Variants in STK32B observed in about 807,000 individuals in gnomAD.
STK32B encodes serine/threonine kinase 32B, also known as serine/threonine-protein kinase 32B.
STK32B carries 43 observed loss-of-function variants against 52.6 expected under a neutral mutation model. The observed-to-expected ratio is 0.82, with a 90% CI of 0.64 to 1.05. STK32B has a LOEUF of 1.05. Ranked by LOEUF, STK32B falls within the 50% of genes least tolerant of loss-of-function variation. STK32B has a pLI of 0.00. For missense variants in STK32B, 621 were observed against 534.6 expected, an observed-to-expected ratio of 1.16 and a Z score of -1.59; for synonymous variants, 238 against 204.3, an observed-to-expected ratio of 1.17 and a Z score of -1.41.
At chr4:5,045,216 T>C in the STK32B span, among the ~76,000 whole-genome samples, 1 of 152,232 alleles carries the variant, frequency 6.6e-6, no homozygotes, top group South Asian at 2.1e-4. Flanking sequence ...GCGGGCTCTG[T>C]ACCTCTCATC....
chr4:5,151,519 T>C (rs1717362968), intron 2 of STK32B, among the ~76,000 whole-genome samples: 1 of 152,232 alleles, frequency 6.6e-6, no homozygotes, highest in Admixed American at 6.5e-5. Flanking sequence ...ACAGAAATCT[T>C]TTCACTGTCA....
In STK32B at chr4:5,051,543, G is replaced by A. The variant is rs978215237; in HGVS notation, c.-321G>A. 5 of 360,438 alleles carry A rather than the reference G, an allele frequency of 1.4e-5. No individual in the cohort carries two copies. Among genetic ancestry groups the A allele is most frequent in the Non-Finnish European group, 2.5e-5 (5 of 202,340 alleles). 22.3% of individuals were successfully genotyped at this position (360,438 alleles called of 1,614,324 possible). On this transcript the variant is annotated 5_prime_UTR_variant, in exon 1 of 12. Transcript: ENST00000282908. ...TCCCGCCCGCTGTAGCCGGCGAGGA[G>A]CGCCGCACGTTGGCCCCGGCGCGAG...
At chr4:5,187,226 C>T (rs1220135382) in intron 3 of STK32B, among the ~76,000 whole-genome samples, 1 of 152,212 alleles carries the variant, frequency 6.6e-6, no homozygotes, top group Non-Finnish European at 1.5e-5. Context: ...TCCCGCACCA[C>T]AACACAGCAC....
At chr4:5,430,280 A>C (rs1390582376) in intron 6 of STK32B, among the ~76,000 whole-genome samples, 1 of 151,986 alleles carries the variant, frequency 6.6e-6, no homozygotes, top group Non-Finnish European at 1.5e-5. Context: ...CCCATCCCCC[A>C]CCACACTGTT....
chr4:5,351,638 G>A (rs1377935699), intron 4 of STK32B, among the ~76,000 whole-genome samples: 4 of 151,874 alleles, frequency 2.6e-5, no homozygotes, highest in African/African-American at 9.7e-5. Context: ...AAATGAAATA[G>A]GGACTAAACA....
intron 6 of STK32B, among the ~76,000 whole-genome samples, chr4:5,420,278 T>G (rs1436436726): frequency 6.6e-6 from 1 of 152,204 alleles, no homozygotes; most frequent in Non-Finnish European, 1.5e-5. Context: ...CATTCACTTA[T>G]AAGTAGTCTT....
Position 5,491,435 on chromosome 4 carries a change from T to C in STK32B, c.1107-7510T>C, listed in dbSNP as rs558024828. Among the ~76,000 whole-genome samples, 219 of 152,362 alleles carry C rather than the reference T, an allele frequency of 1.4e-3. 3 individuals carry two copies. In the South Asian group the frequency reaches 0.042, roughly 29 times the overall value. ...CTTTTTGATGGGGTTGTCTGATTTT[T>C]TCTTGTAAATTTGTTTGAGTTCATT... On this transcript the variant is annotated intron_variant, in intron 11 of 11. Transcript: ENST00000282908.
intron 3 of STK32B, among the ~76,000 whole-genome samples, chr4:5,258,198 A>C (rs1003785314): frequency 2.4e-4 from 36 of 152,282 alleles, no homozygotes; most frequent in African/African-American, 8.4e-4. Context: ...ATAAAACAAA[A>C]AATTATAGTG....
chr4:5,202,550 A>G (rs1480741500), intron 3 of STK32B, among the ~76,000 whole-genome samples: 1 of 152,232 alleles, frequency 6.6e-6, no homozygotes, highest in Non-Finnish European at 1.5e-5. Flanking sequence ...TCTTCTCTGC[A>G]TTGATTGCCC....
chr4:5,313,393 A>G (rs1730444314), intron 3 of STK32B, among the ~76,000 whole-genome samples: 4 of 152,092 alleles, frequency 2.6e-5, no homozygotes, highest in African/African-American at 4.8e-5. Flanking sequence ...AACTTTTTCA[A>G]TTTATAAGGA....
Position 5,080,407 on chromosome 4 carries a change from C to T in STK32B, c.52+28492C>T, listed in dbSNP as rs550978687. Among the ~76,000 whole-genome samples, 7 of 152,284 alleles carry T rather than the reference C, an allele frequency of 4.6e-5. No individual in the cohort carries two copies. In the East Asian group the frequency reaches 1.4e-3, roughly 29 times the overall value. On this transcript the variant is annotated intron_variant, in intron 1 of 11. Coordinates refer to ENST00000282908, the MANE Select transcript of STK32B (RefSeq NM_018401.3). ...GACATTTGCACTTGCTGCTCCTCCA[C>T]CTGCCTGAAATGCTCTTTCCCAGAT...
chr4:5,394,327 A>C lies in STK32B; in HGVS notation c.435-3880A>C, dbSNP rs114850940. ...ATCGTCACCGCCTTCCCATCCATGC[A>C]ATGCTCCTGATGCCCTTTCTGAACG... On this transcript the variant is annotated intron_variant, in intron 4 of 11. Coordinates refer to ENST00000282908, the MANE Select transcript of STK32B (RefSeq NM_018401.3). The surrounding 1 kb of genome is among the most constrained non-coding windows in gnomAD (Gnocchi z 4.2). 1.4e-3 allele frequency among the ~76,000 whole-genome samples: 217 copies of C among 152,248 alleles called. No individual in the cohort carries two copies. Among genetic ancestry groups the C allele is most frequent in the African/African-American group, 5.2e-3 (215 of 41,554 alleles).
At chr4:5,041,054 A>C in the STK32B span, among the ~76,000 whole-genome samples, 9 of 152,244 alleles carry the variant, frequency 5.9e-5, no homozygotes, top group South Asian at 1.9e-3. Flanking sequence ...GCCTTTTAGT[A>C]AGTCATTGTT....
At chr4:5,049,557 A>G (rs963957881), upstream of STK32B, among the ~76,000 whole-genome samples, 4 of 152,196 alleles carry the variant, frequency 2.6e-5, no homozygotes, top group African/African-American at 9.7e-5. Flanking sequence ...GAGGGTCACA[A>G]GGTGCTCAGT....
rs185971080 is a variant in STK32B at position 5,444,487 on chromosome 4, C to T, written c.563-2186C>T. Among the ~76,000 whole-genome samples the T allele has an allele frequency of 7.0e-4, 106 of 152,328 alleles. 1 individual carries two copies. The highest frequency in any genetic ancestry group is 1.7e-3 in the Admixed American group (26 of 15,306). The stretch of plus-strand genomic sequence containing the variant: ...GCGCACTGTGCGCACACCCACTGAC[C>T]TGCGCCCACTGTCTGGCACTCCCTA... On this transcript the variant is annotated intron_variant, in intron 6 of 11. Coordinates refer to ENST00000282908, the MANE Select transcript of STK32B (RefSeq NM_018401.3).
chr4:5,416,574 C>G (rs1453674525), intron 5 of STK32B, among the ~76,000 whole-genome samples: 1 of 152,158 alleles, frequency 6.6e-6, no homozygotes, highest in East Asian at 1.9e-4. Flanking sequence ...CTTTAATTCT[C>G]CACATCAGTG....
intron 4 of STK32B, among the ~76,000 whole-genome samples, chr4:5,333,873 C>T (rs547044800): frequency 2.4e-4 from 36 of 152,320 alleles, no homozygotes; most frequent in African/African-American, 8.7e-4. Context: ...GTTTTGGTTA[C>T]TGTAACCTTG....
intron 2 of STK32B, among the ~76,000 whole-genome samples, chr4:5,145,114 T>G (rs779736861): frequency 6.6e-6 from 1 of 152,184 alleles, no homozygotes; most frequent in Non-Finnish European, 1.5e-5. Flanking sequence ...ATGATTTTTT[T>G]CTCATTATTT....
intron 11 of STK32B, among the ~76,000 whole-genome samples, chr4:5,497,181 C>A (rs892569994): frequency 6.6e-6 from 1 of 152,132 alleles, no homozygotes; most frequent in Non-Finnish European, 1.5e-5. Flanking sequence ...AGTATTTGAA[C>A]ATGTTAGCAG....
Sources: gnomAD v4.1 joint callset for allele counts (sites outside exome capture counted in the v4.1 genomes callset) on GRCh38, gnomAD v4.1.1 for gene constraint, Gnocchi (gnomAD v3.1) non-coding constraint, MANE v1.5 for transcripts, NCBI Gene and HGNC (gene_info 2026-07-23, HGNC 2026-07-21) for gene names.